The following SASH1 variants were observed in gnomAD, a reference collection of about 807,000 sequenced individuals.
SASH1 encodes the protein SAM and SH3 domain containing 1.
In SASH1, 44 loss-of-function variants were observed where a neutral mutation model predicts 125.2. That is an observed-to-expected ratio of 0.35 (90% CI 0.28 to 0.45). SASH1 has a LOEUF of 0.45. Ranked by LOEUF, SASH1 falls within the 20% of genes least tolerant of loss-of-function variation. SASH1 has a pLI of 1.00. For missense variants in SASH1, 1,426 were observed against 1,614.5 expected, an observed-to-expected ratio of 0.88 and a Z score of 2.00; for synonymous variants, 639 against 649.1, an observed-to-expected ratio of 0.98 and a Z score of 0.24.
At chr6:148,422,269 A>G (rs1785134894) in intron 2 of SASH1, among the ~76,000 whole-genome samples, 1 of 152,250 alleles carries the variant, frequency 6.6e-6, no homozygotes, top group African/African-American at 2.4e-5. Flanking sequence ...GCATGTGAGC[A>G]TGGAGATGAA....
At chr6:148,545,704 T>C (rs368260547) in intron 18 of SASH1, among the ~76,000 whole-genome samples, 1 of 152,236 alleles carries the variant, frequency 6.6e-6, no homozygotes, top group Non-Finnish European at 1.5e-5. Context: ...AGCTCATCAG[T>C]ACTTTAAGAT....
intron 1 of SASH1, among the ~76,000 whole-genome samples, chr6:148,388,744 C>T (rs1783581088): frequency 6.6e-6 from 1 of 152,250 alleles, no homozygotes; most frequent in Admixed American, 6.5e-5. Flanking sequence ...AGAAATTCAA[C>T]TCCCAAGCCC....
At chr6:148,478,561 A>T (rs1361707596) in intron 7 of SASH1, 1 of 152,262 alleles carries the variant, frequency 6.6e-6, no homozygotes, top group Non-Finnish European at 1.5e-5. Flanking sequence ...GGAAGTATGG[A>T]TGGTTAATGG....
chr6:148,506,940 CA>C (rs1779833520), intron 8 of SASH1, among the ~76,000 whole-genome samples: 1 of 152,118 alleles, frequency 6.6e-6, no homozygotes, highest in African/African-American at 2.4e-5. Context: ...GGTCTGTATG[CA>C]AATGTTTAGC....
At chr6:148,344,755 CTTTTTTTT>C (rs762490919) in intron 1 of SASH1, among the ~76,000 whole-genome samples, 5 of 143,532 alleles carry the variant, frequency 3.5e-5, no homozygotes, top group African/African-American at 1.0e-4. Context: ...TTTTTCTTTT[CTTTTTTTT>C]TTTTTTTTTT....
intron 1 of SASH1, among the ~76,000 whole-genome samples, chr6:148,373,904 C>T (rs1235290176): frequency 2.6e-5 from 4 of 152,180 alleles, no homozygotes; most frequent in South Asian, 2.1e-4. Flanking sequence ...ACCTGGGAGA[C>T]GGAGGTTGCA....
chr6:148,458,183 T>C (rs1777450588), intron 4 of SASH1, among the ~76,000 whole-genome samples: 1 of 152,228 alleles, frequency 6.6e-6, no homozygotes, highest in African/African-American at 2.4e-5. Flanking sequence ...TATGGAACTT[T>C]CTTCCTTATG....
intron 2 of SASH1, among the ~76,000 whole-genome samples, chr6:148,432,650 T>C (rs1776113408): frequency 6.6e-6 from 1 of 152,156 alleles, no homozygotes; most frequent in South Asian, 2.1e-4. Flanking sequence ...CTGGTATTCT[T>C]CCTCTCCATT....
chr6:148,536,288 T>G (rs958364531), intron 16 of SASH1, among the ~76,000 whole-genome samples: 4 of 152,164 alleles, frequency 2.6e-5, no homozygotes, highest in African/African-American at 9.7e-5. Flanking sequence ...AACAGCTCAC[T>G]TGCTCTTCCT....
chr6:148,196,466 G>A, the SASH1 span, among the ~76,000 whole-genome samples: 1 of 152,210 alleles, frequency 6.6e-6, no homozygotes, highest in African/African-American at 2.4e-5. Flanking sequence ...ATTATTTGGG[G>A]AAAGTGGACA....
intron 10 of SASH1, among the ~76,000 whole-genome samples, chr6:148,520,769 T>C (rs765625421): frequency 9.2e-5 from 14 of 152,212 alleles, no homozygotes; most frequent in Non-Finnish European, 1.5e-4. Flanking sequence ...TTGAAAGAGA[T>C]GCTTGCTCTT....
chr6:148,498,557 A>T (rs993694737), intron 8 of SASH1, among the ~76,000 whole-genome samples: 1 of 152,198 alleles, frequency 6.6e-6, no homozygotes, highest in Non-Finnish European at 1.5e-5. Flanking sequence ...TGTTTCTTTC[A>T]TTTGGTTGAA....
chr6:148,388,401 G>A (rs765235490), intron 1 of SASH1, among the ~76,000 whole-genome samples: 3 of 152,226 alleles, frequency 2.0e-5, no homozygotes, highest in Non-Finnish European at 4.4e-5. Flanking sequence ...GTTGCCTGCT[G>A]TGTCAGTCCA....
intron 1 of SASH1, among the ~76,000 whole-genome samples, chr6:148,314,455 A>C (rs1423158453): frequency 2.0e-5 from 3 of 152,224 alleles, no homozygotes; most frequent in Non-Finnish European, 4.4e-5. Flanking sequence ...ATCCTATTAG[A>C]TCAGATTTGA....
At chr6:148,469,424 T>G (rs1777996299) in intron 5 of SASH1, among the ~76,000 whole-genome samples, 1 of 152,210 alleles carries the variant, frequency 6.6e-6, no homozygotes, top group Admixed American at 6.5e-5. Flanking sequence ...GAAGGGAATA[T>G]AGCTTATAGT....
At chr6:148,520,166 C>T (rs775140749) in intron 10 of SASH1, 10 of 421,206 alleles carry the variant, frequency 2.4e-5, no homozygotes, top group Admixed American at 1.2e-4. Flanking sequence ...CCTCGGTCAG[C>T]GAGTTCAATA....
chr6:148,374,996 C>CT (rs1371195695), intron 1 of SASH1, among the ~76,000 whole-genome samples: 2 of 151,508 alleles, frequency 1.3e-5, no homozygotes, highest in Non-Finnish European at 2.9e-5. Context: ...CACACCTGGC[C>CT]TTTTTTTGTT....
At position 148,387,523 on chromosome 6, in the gene SASH1, CTTTCTTTCTTCTTTCTTTCT is replaced by C. The variant is rs1192920266; in HGVS notation, c.157-2603_157-2584del. Among the ~76,000 whole-genome samples, 443 of 146,272 alleles carry C rather than the reference CTTTCTTTCTTCTTTCTTTCT, an allele frequency of 3.0e-3. 1 individual carries two copies. The highest frequency in any genetic ancestry group is 0.011 in the African/African-American group (421 of 39,422). On this transcript the variant is annotated intron_variant, in intron 1 of 19. Transcript: ENST00000367467. ...TCTCTCTCTTTCTTTTTCCTTCTTTCTTTCTTTCTTCTTTCTTTCTTTTCTTTTCCTTTCTTTCTTTTCTC... is the reference window on the plus strand; with the variant it reads ...TCTCTCTCTTTCTTTTTCCTTCTTTCTTTCTTTTCCTTTCTTTCTTTTCTC...
chr6:148,227,029 G>A, the SASH1 span, among the ~76,000 whole-genome samples: 1 of 152,142 alleles, frequency 6.6e-6, no homozygotes, highest in African/African-American at 2.4e-5. Context: ...GGTGGTCTGA[G>A]GTGGCTGTTG....
Sources: gnomAD v4.1 joint callset for allele counts (sites outside exome capture counted in the v4.1 genomes callset) on GRCh38, gnomAD v4.1.1 for gene constraint, MANE v1.5 for transcripts, NCBI Gene and HGNC (gene_info 2026-07-23, HGNC 2026-07-21) for gene names.